ITGA3: variants seen among roughly 807,000 people sequenced by gnomAD.
ITGA3 encodes the protein integrin subunit alpha 3.
A neutral mutation model predicts 131.1 loss-of-function variants in ITGA3; 70 were observed. The observed-to-expected ratio is 0.53, with a 90% confidence interval of 0.44 to 0.65. The LOEUF (loss-of-function observed/expected upper bound fraction) is 0.65, where lower values mean the gene tolerates loss of function less well. ITGA3 is among the 30% of genes least tolerant of loss of function. ITGA3 has a pLI of 0.00. For missense variants in ITGA3, 1,098 were observed against 1,388.6 expected (o/e 0.79, Z 3.33); for synonymous variants, 537 against 571.6 (o/e 0.94, Z 0.86).
Position 50,064,668 on chromosome 17 carries a change from G to A in ITGA3, c.414+61G>A. 1 of 1,452,872 alleles carries A rather than the reference G, an allele frequency of 6.9e-7. No individual in the cohort carries two copies. Among genetic ancestry groups the A allele is most frequent in the South Asian group, 1.2e-5 (1 of 80,476 alleles). 90.0% of individuals were successfully genotyped at this position (1,452,872 alleles called of 1,614,324 possible). ...ACCCGGCTCTCCCCTCATCTCCAGA[G>A]CTGGGAGGAAAGAAGAGGGCAGCAG... On this transcript the variant is annotated intron_variant, in intron 3 of 25. Coordinates refer to ENST00000320031, the MANE Select transcript of ITGA3 (RefSeq NM_002204.4). The surrounding 1 kb of genome is among the most constrained non-coding windows in gnomAD (Gnocchi z 4.4).
Position 50,078,301 on chromosome 17 carries a change from A to ACCACCC in ITGA3, c.2297+25_2297+30dup. The ACCACCC allele has an allele frequency of 1.9e-6, 3 of 1,601,950 alleles. No homozygotes were observed. The highest frequency in any genetic ancestry group is 2.6e-6 in the Non-Finnish European group (3 of 1,170,784). ...GCTTAGCATGTGGGTACCGCTCTCC[A>ACCACCC]CCACCCCCACCCCAGCCTGCTGTGC... On this transcript the variant is annotated intron_variant, in intron 18 of 25. Coordinates refer to ENST00000320031, the MANE Select transcript of ITGA3 (RefSeq NM_002204.4).
intron 12 of ITGA3, 50 bp from the exon 13 acceptor site, chr17:50,076,276 T>TG: frequency 6.3e-7 from 1 of 1,581,864 alleles, no homozygotes; most frequent in Non-Finnish European, 8.6e-7. Context: ...AGGATTCAGC[T>TG]GGGGCAGGGA....
In ITGA3 at chr17:50,064,183, C is replaced by T. The variant is rs920003095; in HGVS notation, c.313C>T (p.Arg105Trp). 27 of 1,608,636 alleles carry T rather than the reference C, an allele frequency of 1.7e-5. No individual in the cohort carries two copies. The highest frequency in any genetic ancestry group is 4.5e-5 in the East Asian group (2 of 44,750). Residue 105 changes from arginine to tryptophan, a missense_variant, in exon 2 of 26, where the codon CGG becomes TGG. Arg to Trp is a moderately radical substitution (Grantham distance 101). This residue lies in a region of ITGA3 where 356 missense variants were observed against 529.2 expected (regional missense o/e 0.67). Transcript: ENST00000320031. This position sits in a 1 kb window ranked among gnomAD's most constrained non-coding sequence, Gnocchi z 4.4. ...CACTGCCCACAAGGATGACTGTGAG[C>T]GGATGAACATCACAGTGAAAAGTGA... ...PLTAHKDDCERMNITVKNDPG... is the reference protein window; with the variant it reads ...PLTAHKDDCEWMNITVKNDPG...
Position 50,056,383 on chromosome 17 carries a change from A to G in ITGA3, c.-57A>G. The G allele has an allele frequency of 2.3e-6, 3 of 1,296,862 alleles. No homozygotes were observed. Among genetic ancestry groups the G allele is most frequent in the Non-Finnish European group, 3.0e-6 (3 of 987,648 alleles). The allele number at this position is 1,296,862 out of a possible 1,614,324, so 80.3% of individuals were successfully genotyped here. On this transcript the variant is annotated 5_prime_UTR_variant, in exon 1 of 26. Transcript: ENST00000320031. This position sits in a 1 kb window ranked among gnomAD's most constrained non-coding sequence, Gnocchi z 5.6. ...GCGGGGAGCAGGTGAACAGGTCCTCACGCCCAGCTCCGCGCCCTCACGCGC... is the reference window on the plus strand; with the variant it reads ...GCGGGGAGCAGGTGAACAGGTCCTCGCGCCCAGCTCCGCGCCCTCACGCGC...
intron 23 of ITGA3, among the ~76,000 whole-genome samples, chr17:50,083,049 G>A (rs550616427): frequency 3.3e-5 from 5 of 152,266 alleles, no homozygotes; most frequent in Non-Finnish European, 5.9e-5. Flanking sequence ...GTACATTATT[G>A]TACATTTCCT....
intron 5 of ITGA3, 81 bp from the exon 6 acceptor site, chr17:50,071,230 G>A: frequency 8.0e-7 from 1 of 1,245,488 alleles, no homozygotes; most frequent in Non-Finnish European, 1.1e-6. Flanking sequence ...GGGGGCAAGA[G>A]AGGGAATAGG....
In ITGA3 at chr17:50,074,486, T is replaced by C; in HGVS notation, c.1421T>C (p.Val474Ala). The C allele has an allele frequency of 6.2e-7, 1 of 1,614,124 alleles. No individual in the cohort carries two copies. The highest frequency in any genetic ancestry group is 8.5e-7 in the Non-Finnish European group (1 of 1,180,022). The change falls in exon 10 of 26, where the codon GTG becomes GCG. Residue 474 changes from valine to alanine, a missense_variant. Coordinates refer to ENST00000320031, the MANE Select transcript of ITGA3 (RefSeq NM_002204.4). Reference protein sequence around the residue: ...PVINIVHKTLVPRPAVLDPAL... With the variant: ...PVINIVHKTLAPRPAVLDPAL... ...ATCAACATCGTCCACAAGACCTTGG[T>C]GCCCAGGCCAGCTGTGCTGGACCCT...
At chr17:50,079,682 A>T in intron 21 of ITGA3, 125 bp downstream of exon 21, 3 of 1,111,702 alleles carry the variant, frequency 2.7e-6, no homozygotes, top group Non-Finnish European at 3.6e-6. Flanking sequence ...TGCTCTTGGG[A>T]GCCTCCAGAC....
chr17:50,086,297 T>G (rs1369903952), intron 23 of ITGA3: 3 of 144,510 alleles, frequency 2.1e-5, no homozygotes, highest in Non-Finnish European at 4.5e-5. Flanking sequence ...TATATTAGAT[T>G]ATATATATAA....
At chr17:50,086,355 C>G (rs1909428953) in intron 23 of ITGA3, 1 of 146,672 alleles carries the variant, frequency 6.8e-6, no homozygotes, top group African/African-American at 2.5e-5. Context: ...TTAAAAAAAT[C>G]ATCAAAATAA....
In ITGA3 at chr17:50,089,145, C is replaced by T; in HGVS notation, c.*67C>T. On this transcript the variant is annotated 3_prime_UTR_variant, in exon 26 of 26. Transcript: ENST00000320031. ...TTAAGCGGACCCGCTATTATCAGAT[C>T]ATGCCCAAGTACCACGCAGTGCGGA... is the stretch of plus-strand genomic sequence containing the variant. The T allele has an allele frequency of 6.2e-7, 1 of 1,613,482 alleles. No individual in the cohort carries two copies. Among genetic ancestry groups the T allele is most frequent in the Admixed American group, 1.7e-5 (1 of 60,018 alleles).
intron 23 of ITGA3, chr17:50,087,214 C>G (rs1411199231): frequency 6.6e-6 from 1 of 152,294 alleles, no homozygotes; most frequent in Admixed American, 6.5e-5. Flanking sequence ...CCCCAGCAAC[C>G]TATGAGAGAG....
chr17:50,072,249 C>A, intron 7 of ITGA3, 67 bp downstream of exon 7: 2 of 1,408,702 alleles, frequency 1.4e-6, no homozygotes, highest in Non-Finnish European at 2.0e-6. Context: ...CCCCTACTGA[C>A]TGAGCACCAG....
intron 7 of ITGA3, among the ~76,000 whole-genome samples, chr17:50,072,797 G>A (rs796211835): frequency 2.6e-5 from 4 of 152,204 alleles, no homozygotes; most frequent in African/African-American, 9.6e-5. Flanking sequence ...GATAAGGAAT[G>A]GGACAAGGTG....
rs1483604775 is a variant in ITGA3 at position 50,056,429 on chromosome 17, C to T, written c.-11C>T. The T allele has an allele frequency of 5.4e-6, 8 of 1,475,284 alleles. No individual in the cohort carries two copies. In the East Asian group the frequency reaches 1.4e-4, roughly 25 times the overall value. The allele number at this position is 1,475,284 out of a possible 1,614,324, so 91.4% of individuals were successfully genotyped here. ...CGCGCTCTCGCCGGGACCCCGCTTC[C>T]GCTGGCAGCCATGGGCCCCGGCCCC... On this transcript the variant is annotated 5_prime_UTR_variant, in exon 1 of 26. Transcript: ENST00000320031. The surrounding 1 kb of genome is among the most constrained non-coding windows in gnomAD (Gnocchi z 5.6).
At chr17:50,080,699 C>CTGT (rs1209522337) in intron 22 of ITGA3, among the ~76,000 whole-genome samples, 1 of 152,108 alleles carries the variant, frequency 6.6e-6, no homozygotes, top group East Asian at 1.9e-4. Context: ...TTCAAGGTCC[C>CTGT]TGTCAGATGC....
chr17:50,086,356 A>T (rs1909429067), intron 23 of ITGA3: 1 of 148,852 alleles, frequency 6.7e-6, no homozygotes, highest in Non-Finnish European at 1.5e-5. Flanking sequence ...TAAAAAAATC[A>T]TCAAAATAAT....
chr17:50,077,782 A>G (rs968396563), intron 16 of ITGA3, among the ~76,000 whole-genome samples: 4 of 152,218 alleles, frequency 2.6e-5, no homozygotes, highest in African/African-American at 9.6e-5. Flanking sequence ...GCTCTTTTAC[A>G]GAAGAGGAAA....
intron 21 of ITGA3, among the ~76,000 whole-genome samples, chr17:50,080,043 T>C (rs921981387): frequency 6.6e-6 from 1 of 152,170 alleles, no homozygotes; most frequent in Admixed American, 6.5e-5. Context: ...GATTCCATGT[T>C]ATCCATGTGC....
Sources: allele counts gnomAD v4.1 joint callset (sites outside exome capture counted in the v4.1 genomes callset), GRCh38; gene constraint gnomAD v4.1.1; regional missense constraint gnomAD v4.1.1; non-coding constraint Gnocchi (gnomAD v3.1); transcripts MANE v1.5; gene names NCBI Gene and HGNC (gene_info 2026-07-23, HGNC 2026-07-21).